MSI2: variants seen among roughly 807,000 people sequenced by gnomAD.
MSI2 encodes the protein musashi RNA binding protein 2.
A neutral mutation model predicts 45.6 loss-of-function variants in MSI2; 17 were observed. The ratio of observed to expected loss-of-function variants is 0.37; its 90% CI spans 0.26 to 0.56. The LOEUF is 0.56. Among genes scored for constraint, MSI2 ranks in the 20% least tolerant of loss-of-function variants. The pLI, the probability that MSI2 is intolerant of heterozygous loss-of-function variation, is 0.77. For missense variants in MSI2, 293 were observed against 444.2 expected (o/e 0.66, Z 3.06); for synonymous variants, 156 against 158.2 (o/e 0.99, Z 0.11).
intron 5 of MSI2, among the ~76,000 whole-genome samples, chr17:57,293,587 G>GTTTT (rs769797340): frequency 3.1e-5 from 2 of 65,374 alleles, no homozygotes; most frequent in South Asian, 5.9e-4. Context: ...GTGCTTTATT[G>GTTTT]TTTTTTTGTT....
At chr17:57,597,548 C>T (rs1905375993) in intron 8 of MSI2, among the ~76,000 whole-genome samples, 2 of 151,636 alleles carry the variant, frequency 1.3e-5, no homozygotes, top group African/African-American at 4.9e-5. Context: ...ATCACCTGAC[C>T]CCAGGAGGTT....
intron 5 of MSI2, among the ~76,000 whole-genome samples, chr17:57,317,340 C>T (rs1912930329): frequency 6.6e-6 from 1 of 152,118 alleles, no homozygotes; most frequent in Non-Finnish European, 1.5e-5. Flanking sequence ...AAAAAGGAGA[C>T]ATAACTTCTG....
rs1913620833 is a variant in MSI2 at position 57,681,835 on chromosome 17, A to G, written c.*2318A>G. The G allele has an allele frequency of 1.0e-5, 2 of 197,138 alleles. No individual in the cohort carries two copies. The highest frequency in any genetic ancestry group is 4.6e-5 in the African/African-American group (2 of 43,322). 12.2% of individuals were successfully genotyped at this position (197,138 alleles called of 1,614,324 possible). A position where few individuals can be genotyped will look rare whatever the true frequency, so the allele number is the denominator to read the frequency against. The stretch of plus-strand genomic sequence containing the variant: ...AGTTTTATTTAAAAAAAAAAAAAGA[A>G]AGAAAAAATAGTAAATTCCCAGAAA... On this transcript the variant is annotated 3_prime_UTR_variant, in exon 14 of 14. Transcript: ENST00000284073.
intron 5 of MSI2, among the ~76,000 whole-genome samples, chr17:57,322,629 G>A (rs886098461): frequency 6.6e-6 from 1 of 152,160 alleles, no homozygotes; most frequent in Admixed American, 6.5e-5. Flanking sequence ...CAAACCAGGA[G>A]CTGCATCCCT....
At chr17:57,364,163 C>G (rs1467272709) in intron 5 of MSI2, among the ~76,000 whole-genome samples, 1 of 152,206 alleles carries the variant, frequency 6.6e-6, no homozygotes, top group Non-Finnish European at 1.5e-5. Context: ...TGTTAGCCCT[C>G]TCTGTGAGAC....
At chr17:57,667,414 G>T (rs1912448181) in intron 11 of MSI2, among the ~76,000 whole-genome samples, 1 of 152,202 alleles carries the variant, frequency 6.6e-6, no homozygotes, top group African/African-American at 2.4e-5. Flanking sequence ...TCACGGTGGA[G>T]AGGGATCAGG....
chr17:57,386,281 T>C (rs1176459754), intron 5 of MSI2, among the ~76,000 whole-genome samples: 1 of 152,170 alleles, frequency 6.6e-6, no homozygotes, highest in Non-Finnish European at 1.5e-5. Context: ...CAGTGGCTGC[T>C]GAACAGAACT....
At chr17:57,384,929 G>A (rs962645476) in intron 5 of MSI2, among the ~76,000 whole-genome samples, 2 of 152,056 alleles carry the variant, frequency 1.3e-5, no homozygotes, top group Admixed American at 1.3e-4. Context: ...ATCTCAATTG[G>A]TGACACCACC....
chr17:57,610,923 G>T (rs1262935852), intron 8 of MSI2, among the ~76,000 whole-genome samples: 1 of 94,646 alleles, frequency 1.1e-5, no homozygotes, highest in Non-Finnish European at 2.5e-5. Flanking sequence ...TTGTTGGGGT[G>T]GGGGGTGTTG....
intron 6 of MSI2, among the ~76,000 whole-genome samples, chr17:57,474,866 GCAC>G (rs2085508924): frequency 6.6e-6 from 1 of 152,086 alleles, no homozygotes; most frequent in African/African-American, 2.4e-5. Flanking sequence ...TTACAGGCGT[GCAC>G]CACCACCCCT....
At position 57,454,145 on chromosome 17, in the gene MSI2, T is replaced by A. The variant is rs574697314; in HGVS notation, c.405+52674T>A. Among the ~76,000 whole-genome samples, 138 of 152,334 alleles carry A rather than the reference T, an allele frequency of 9.1e-4. 2 individuals carry two copies. Among genetic ancestry groups the A allele is most frequent in the Admixed American group, 6.4e-3 (98 of 15,306 alleles). On this transcript the variant is annotated intron_variant, in intron 6 of 13. Transcript: ENST00000284073. ...GCTCGCTCCAGGAGCTCTGTGCAGA[T>A]CTTGAGCACATTGGCTCAGTATGTT...
chr17:57,440,880 G>T (rs1184609926), intron 6 of MSI2: 1 of 152,136 alleles, frequency 6.6e-6, no homozygotes, highest in African/African-American at 2.4e-5. Context: ...AGTAGACCTG[G>T]ACTATCTCTT....
intron 5 of MSI2, among the ~76,000 whole-genome samples, chr17:57,271,121 G>A: frequency 6.6e-6 from 1 of 152,102 alleles, no homozygotes; most frequent in Admixed American, 6.5e-5. Context: ...TCCCTGTACT[G>A]GTCTTTATCT....
At chr17:57,543,377 T>C (rs911106816) in intron 7 of MSI2, among the ~76,000 whole-genome samples, 1 of 152,224 alleles carries the variant, frequency 6.6e-6, no homozygotes, top group African/African-American at 2.4e-5. Context: ...CAGTCCTGCC[T>C]GTAGTTCCGC....
chr17:57,259,681 A>G (rs1907132062), intron 4 of MSI2, among the ~76,000 whole-genome samples: 1 of 152,282 alleles, frequency 6.6e-6, no homozygotes, highest in South Asian at 2.1e-4. Context: ...AATGATTTGT[A>G]GGATGATAAC....
chr17:57,526,512 C>T (rs1467608476), intron 6 of MSI2, among the ~76,000 whole-genome samples: 1 of 151,466 alleles, frequency 6.6e-6, no homozygotes, highest in Non-Finnish European at 1.5e-5. Flanking sequence ...CCTTATTTTC[C>T]CTTGACTCAC....
At chr17:57,449,329 CA>C (rs1444916852) in intron 6 of MSI2, 2 of 152,228 alleles carry the variant, frequency 1.3e-5, no homozygotes, top group South Asian at 4.1e-4. Flanking sequence ...CCCAAAGTGA[CA>C]GATCTTCCAC....
At chr17:57,356,425 C>A (rs973148330) in intron 5 of MSI2, among the ~76,000 whole-genome samples, 1 of 152,120 alleles carries the variant, frequency 6.6e-6, no homozygotes, top group African/African-American at 2.4e-5. Flanking sequence ...TGTCTGTCAG[C>A]CAAAAGCACT....
Position 57,256,735 on chromosome 17 carries a change from G to A in MSI2, c.-8G>A, listed in dbSNP as rs776244699. The A allele has an allele frequency of 1.7e-3, 1,124 of 650,408 alleles. No individual in the cohort carries two copies. The highest frequency in any genetic ancestry group is 2.2e-3 in the Non-Finnish European group (962 of 445,064). The allele number at this position is 650,408 out of a possible 1,614,324, so 40.3% of individuals were successfully genotyped here. A position where few individuals can be genotyped will look rare whatever the true frequency, so the allele number is the denominator to read the frequency against. ...TTTTTGGGGGTGGGGGGGCGGGGGG[G>A]CTCAGATATGGAGGCAAATGGGAGC... On this transcript the variant is annotated 5_prime_UTR_variant, in exon 1 of 14. Coordinates refer to ENST00000284073, the MANE Select transcript of MSI2 (RefSeq NM_138962.4).
Sources: allele counts gnomAD v4.1 joint callset (sites outside exome capture counted in the v4.1 genomes callset), GRCh38; gene constraint gnomAD v4.1.1; transcripts MANE v1.5; gene names NCBI Gene and HGNC (gene_info 2026-07-23, HGNC 2026-07-21).